Variants in GRM7 observed in about 807,000 individuals in gnomAD.
GRM7 encodes glutamate metabotropic receptor 7.
In GRM7, 35 loss-of-function variants were observed where a neutral mutation model predicts 84.5. The observed-to-expected ratio is 0.41, with a 90% confidence interval of 0.32 to 0.55. GRM7 has a LOEUF of 0.55. Among genes scored for constraint, GRM7 ranks in the 20% least tolerant of loss-of-function variants. The pLI is 0.19. For synonymous variants in GRM7, 487 were observed against 455.1 expected (o/e 1.07, Z -0.89); for missense variants, 1,003 against 1,194.6 (o/e 0.84, Z 2.36).
chr3:6,867,335 G>A (rs908911761), intron 1 of GRM7, among the ~76,000 whole-genome samples: 6 of 152,076 alleles, frequency 3.9e-5, no homozygotes, highest in East Asian at 1.9e-4. Flanking sequence ...TTCAAGACTC[G>A]ATGTCCTTCT....
intron 8 of GRM7, among the ~76,000 whole-genome samples, chr3:7,659,779 T>C (rs1699355031): frequency 6.6e-6 from 1 of 152,158 alleles, no homozygotes; most frequent in Admixed American, 6.5e-5. Context: ...CACGGTAAGA[T>C]GTTTTAAAAA....
At chr3:7,027,430 T>C (rs895734413) in intron 1 of GRM7, among the ~76,000 whole-genome samples, 9 of 152,232 alleles carry the variant, frequency 5.9e-5, no homozygotes, top group Non-Finnish European at 1.0e-4. Context: ...AAATATGTTC[T>C]TCAGTTTGCT....
At chr3:7,710,736 C>G (rs775928386) in intron 9 of GRM7, among the ~76,000 whole-genome samples, 4 of 152,112 alleles carry the variant, frequency 2.6e-5, no homozygotes, top group Non-Finnish European at 5.9e-5. Context: ...TATATTGACC[C>G]AAACTCATCA....
At chr3:7,672,337 T>C (rs990043549) in intron 8 of GRM7, among the ~76,000 whole-genome samples, 3 of 152,204 alleles carry the variant, frequency 2.0e-5, no homozygotes, top group Non-Finnish European at 4.4e-5. Context: ...GGAACTTTCA[T>C]TGCAATGTAA....
chr3:7,342,015 T>C (rs190366764), intron 4 of GRM7, among the ~76,000 whole-genome samples: 1 of 152,198 alleles, frequency 6.6e-6, no homozygotes, highest in East Asian at 1.9e-4. Context: ...TCAGACAAGT[T>C]CTCCTAAAAA....
intron 2 of GRM7, among the ~76,000 whole-genome samples, chr3:7,175,829 C>A (rs186897869): frequency 6.6e-6 from 1 of 152,130 alleles, no homozygotes; most frequent in East Asian, 1.9e-4. Context: ...TGAGCCGCTG[C>A]ACCCATCCAA....
chr3:7,675,039 C>G (rs1186472265), intron 8 of GRM7, among the ~76,000 whole-genome samples: 1 of 152,184 alleles, frequency 6.6e-6, no homozygotes, highest in Admixed American at 6.5e-5. Flanking sequence ...AGCCGCATAA[C>G]ACTTTTCTGA....
At chr3:7,509,026 A>T (rs569933572) in intron 7 of GRM7, among the ~76,000 whole-genome samples, 1 of 152,304 alleles carries the variant, frequency 6.6e-6, no homozygotes, top group South Asian at 2.1e-4. Context: ...TAAGTTGCAC[A>T]TATTCTGAAT....
chr3:6,998,542 G>C (rs1694905224), intron 1 of GRM7, among the ~76,000 whole-genome samples: 1 of 152,212 alleles, frequency 6.6e-6, no homozygotes, highest in Admixed American at 6.5e-5. Context: ...TGAGTGTGGG[G>C]GCTCCAACTC....
intron 1 of GRM7, among the ~76,000 whole-genome samples, chr3:6,982,358 A>G (rs943546788): frequency 6.6e-6 from 1 of 152,162 alleles, no homozygotes; most frequent in Admixed American, 6.5e-5. Context: ...ATGCTCAGCA[A>G]CTGGATGACA....
At chr3:7,034,873 G>A (rs1264482866) in intron 1 of GRM7, among the ~76,000 whole-genome samples, 1 of 152,194 alleles carries the variant, frequency 6.6e-6, no homozygotes, top group African/African-American at 2.4e-5. Context: ...AGGACAGGGT[G>A]GCAGTGTGGA....
chr3:7,311,931 A>G (rs1178757847), intron 4 of GRM7, among the ~76,000 whole-genome samples: 1 of 152,154 alleles, frequency 6.6e-6, no homozygotes, highest in Non-Finnish European at 1.5e-5. Context: ...ACAGCTTTGG[A>G]AAGAGAGTGG....
chr3:6,910,846 G>C (rs1696743669), intron 1 of GRM7, among the ~76,000 whole-genome samples: 1 of 152,150 alleles, frequency 6.6e-6, no homozygotes. Context: ...GACAAGTGAA[G>C]ATTGAGAAAG....
chr3:7,510,521 A>G (rs1046674172), intron 7 of GRM7, among the ~76,000 whole-genome samples: 1 of 152,270 alleles, frequency 6.6e-6, no homozygotes, highest in Admixed American at 6.5e-5. Flanking sequence ...CTTGTAGCCA[A>G]TCTCCTTTAG....
At chr3:7,135,814 A>T (rs1481135557) in intron 1 of GRM7, among the ~76,000 whole-genome samples, 2 of 152,200 alleles carry the variant, frequency 1.3e-5, no homozygotes, top group Non-Finnish European at 2.9e-5. Context: ...GTTCTGAATA[A>T]ATAAAATAAT....
chr3:6,946,049 A>C (rs1698066946), intron 1 of GRM7, among the ~76,000 whole-genome samples: 1 of 152,044 alleles, frequency 6.6e-6, no homozygotes, highest in Non-Finnish European at 1.5e-5. Flanking sequence ...GCTGTGCAGA[A>C]GCTCTTTAGT....
intron 2 of GRM7, among the ~76,000 whole-genome samples, chr3:7,295,549 G>A (rs1391983193): frequency 6.6e-6 from 1 of 152,158 alleles, no homozygotes; most frequent in Non-Finnish European, 1.5e-5. Context: ...CTGAGAGTTT[G>A]CTCTAGATAG....
chr3:6,986,959 G>A (rs1485439701), intron 1 of GRM7, among the ~76,000 whole-genome samples: 1 of 152,230 alleles, frequency 6.6e-6, no homozygotes, highest in Admixed American at 6.5e-5. Context: ...AAGGAAGGAA[G>A]AAATGATTCA....
intron 6 of GRM7, among the ~76,000 whole-genome samples, chr3:7,455,896 C>G (rs913715349): frequency 1.3e-5 from 2 of 151,978 alleles, no homozygotes; most frequent in Admixed American, 6.6e-5. Flanking sequence ...AATAACAACT[C>G]ATTTAAAACG....
Sources: allele counts gnomAD v4.1 joint callset (sites outside exome capture counted in the v4.1 genomes callset), GRCh38; gene constraint gnomAD v4.1.1; transcripts MANE v1.5; gene names NCBI Gene and HGNC (gene_info 2026-07-23, HGNC 2026-07-21).